TBC1D16: variants seen among roughly 807,000 people sequenced by gnomAD.
TBC1D16 encodes the protein CTD-2529O21.1.
In TBC1D16, 58 loss-of-function variants were observed where a neutral mutation model predicts 74.7. That is an observed-to-expected ratio of 0.78 (90% confidence interval 0.63 to 0.97). TBC1D16 has a LOEUF of 0.97. Among genes scored for constraint, TBC1D16 ranks in the 50% least tolerant of loss-of-function variants. The probability of loss-of-function intolerance (pLI) is 0.00; values close to 1 mark genes in which losing one functional copy is unlikely to be tolerated. For missense variants in TBC1D16, 1,014 were observed against 1,079.5 expected (o/e 0.94, Z 0.85); for synonymous variants, 493 against 474.7 (o/e 1.04, Z -0.50).
chr17:80,021,574 C>T (rs1598437813), intron 1 of TBC1D16, among the ~76,000 whole-genome samples: 1 of 149,596 alleles, frequency 6.7e-6, no homozygotes, highest in African/African-American at 2.6e-5. Flanking sequence ...ATGGAATTTT[C>T]ATTGATATGT....
chr17:79,983,498 T>C lies in TBC1D16; in HGVS notation c.779+26662A>G, dbSNP rs1239791169. Among the ~76,000 whole-genome samples, 1 of 152,200 alleles carries C rather than the reference T, an allele frequency of 6.6e-6. No individual in the cohort carries two copies. Among genetic ancestry groups the C allele is most frequent in the Non-Finnish European group, 1.5e-5 (1 of 68,032 alleles). On this transcript the variant is annotated intron_variant, in intron 3 of 11. Transcript: ENST00000310924. The surrounding 1 kb of genome is among the most constrained non-coding windows in gnomAD (Gnocchi z 5.6). ...ACCTGGGGAACAGCCATGGAGACAG[T>C]GTCCCCCTATTGGAGTGAGCACCCG... is the stretch of plus-strand genomic sequence containing the variant.
chr17:80,014,468 G>T (rs916803153), intron 1 of TBC1D16, among the ~76,000 whole-genome samples: 7 of 152,118 alleles, frequency 4.6e-5, no homozygotes, highest in African/African-American at 1.7e-4. Flanking sequence ...AGAAAAAAAT[G>T]GGTGCTCCAC....
chr17:79,956,251 T>G lies in TBC1D16; in HGVS notation c.780-3433A>C, dbSNP rs774935221. On this transcript the variant is annotated intron_variant, in intron 3 of 11. Coordinates refer to ENST00000310924, the MANE Select transcript of TBC1D16 (RefSeq NM_019020.4). The surrounding 1 kb of genome is among the most constrained non-coding windows in gnomAD (Gnocchi z 4.0). ...GTCTGTGAGCAAAGAAGCGGTTTTT[T>G]GTTTGTTTGTTTGTTTTTTAAAGAC... Among the ~76,000 whole-genome samples, 1 of 152,032 alleles carries G rather than the reference T, an allele frequency of 6.6e-6. No homozygotes were observed. Among genetic ancestry groups the G allele is most frequent in the South Asian group, 2.1e-4 (1 of 4,828 alleles).
In TBC1D16 at chr17:80,007,277, C is replaced by T. The variant is rs1313638037; in HGVS notation, c.779+2883G>A. Among the ~76,000 whole-genome samples, 3 of 152,112 alleles carry T rather than the reference C, an allele frequency of 2.0e-5. No individual in the cohort carries two copies. Among genetic ancestry groups the T allele is most frequent in the South Asian group, 2.1e-4 (1 of 4,830 alleles). The stretch of plus-strand genomic sequence containing the variant: ...CCCCAGCACGGTCTCCGGGTGGGGA[C>T]GAGTCCCAGGCCAGGCTCGCTGACC... On this transcript the variant is annotated intron_variant, in intron 3 of 11. Transcript: ENST00000310924. This position sits in a 1 kb window ranked among gnomAD's most constrained non-coding sequence, Gnocchi z 4.5.
intron 1 of TBC1D16, among the ~76,000 whole-genome samples, chr17:80,034,859 ATCTTT>A (rs1405297346): frequency 6.6e-6 from 1 of 152,190 alleles, no homozygotes; most frequent in Non-Finnish European, 1.5e-5. Flanking sequence ...TCACGTGAGC[ATCTTT>A]AAGACGGAGT....
At chr17:79,998,685 C>T (rs1418700606) in intron 3 of TBC1D16, among the ~76,000 whole-genome samples, 1 of 151,952 alleles carries the variant, frequency 6.6e-6, no homozygotes, top group Non-Finnish European at 1.5e-5. Flanking sequence ...ATTTCAGCAT[C>T]CTCCACATCT....
At position 80,028,916 on chromosome 17, in the gene TBC1D16, A is replaced by T. The variant is rs554983315; in HGVS notation, c.-63+6879T>A. On this transcript the variant is annotated intron_variant, in intron 1 of 11. Coordinates refer to ENST00000310924, the MANE Select transcript of TBC1D16 (RefSeq NM_019020.4). ...CGTGAGCCACCGCCCCGAGCCGACC[A>T]GTTGATTTCTGTGCTGCTCAAAGCC... Among the ~76,000 whole-genome samples, 45 of 152,228 alleles carry T rather than the reference A, an allele frequency of 3.0e-4. No homozygotes were observed. The South Asian group carries it at 8.5e-3, about 29-fold the overall frequency.
Position 80,000,462 on chromosome 17 carries a change from G to A in TBC1D16, c.779+9698C>T, listed in dbSNP as rs911804045. On this transcript the variant is annotated intron_variant, in intron 3 of 11. Transcript: ENST00000310924. This position sits in a 1 kb window ranked among gnomAD's most constrained non-coding sequence, Gnocchi z 4.1. ...AGGAATGCCTGCAGCCACTCAAACC[G>A]GAAGAGACCAGGAAGGACCCTCCCC... 6.6e-6 allele frequency among the ~76,000 whole-genome samples: 1 copy of A among 152,198 alleles called. No individual in the cohort carries two copies. Among genetic ancestry groups the A allele is most frequent in the Non-Finnish European group, 1.5e-5 (1 of 68,028 alleles).
In TBC1D16 at chr17:79,956,067, G is replaced by C. The variant is rs375536616; in HGVS notation, c.780-3249C>G. 4.0e-4 allele frequency among the ~76,000 whole-genome samples: 61 copies of C among 152,270 alleles called. No individual in the cohort carries two copies. Among genetic ancestry groups the C allele is most frequent in the East Asian group, 3.7e-3 (19 of 5,188 alleles). On this transcript the variant is annotated intron_variant, in intron 3 of 11. Coordinates refer to ENST00000310924, the MANE Select transcript of TBC1D16 (RefSeq NM_019020.4). The surrounding 1 kb of genome is among the most constrained non-coding windows in gnomAD (Gnocchi z 4.0). The stretch of plus-strand genomic sequence containing the variant: ...GACAGACAGACGAGAGCTCATGAGA[G>C]AGACACGCAACTGGCAGTCAGCACC...
intron 1 of TBC1D16, among the ~76,000 whole-genome samples, chr17:80,016,975 G>T (rs1296337866): frequency 6.6e-6 from 1 of 152,056 alleles, no homozygotes; most frequent in African/African-American, 2.4e-5. Context: ...CAGTTCTGGG[G>T]GTGGGGACCC....
intron 3 of TBC1D16, among the ~76,000 whole-genome samples, chr17:79,982,570 C>T (rs2034631512): frequency 6.6e-6 from 1 of 151,284 alleles, no homozygotes; most frequent in South Asian, 2.1e-4. Flanking sequence ...TTCCCTGAGG[C>T]TTGGCGTGGT....
chr17:80,034,352 A>G (rs2036877622), intron 1 of TBC1D16, among the ~76,000 whole-genome samples: 1 of 151,694 alleles, frequency 6.6e-6, no homozygotes, highest in Non-Finnish European at 1.5e-5. Flanking sequence ...GGCTCACGCC[A>G]CCACACCGGG....
intron 1 of TBC1D16, among the ~76,000 whole-genome samples, chr17:80,030,112 C>T (rs1342494873): frequency 1.3e-5 from 2 of 152,180 alleles, no homozygotes; most frequent in Non-Finnish European, 2.9e-5. Context: ...ACCTTAATTC[C>T]ATCCCCAACT....
intron 1 of TBC1D16, among the ~76,000 whole-genome samples, chr17:80,015,891 G>A (rs536921677): frequency 8.8e-4 from 134 of 151,792 alleles, no homozygotes; most frequent in African/African-American, 3.1e-3. Context: ...TGTGCCTGTA[G>A]TCCCAGCTAC....
intron 4 of TBC1D16, chr17:79,952,240 A>G (rs2033096297): frequency 6.1e-6 from 1 of 164,710 alleles, no homozygotes; most frequent in African/African-American, 2.4e-5. Flanking sequence ...GCAGGAAACT[A>G]GGCATCGCCC....
intron 1 of TBC1D16, among the ~76,000 whole-genome samples, chr17:80,028,361 T>C (rs909920156): frequency 4.6e-5 from 7 of 151,996 alleles, no homozygotes; most frequent in African/African-American, 1.7e-4. Context: ...TAACACCCTG[T>C]CTATTAGAAA....
chr17:80,007,260 C>T lies in TBC1D16; in HGVS notation c.779+2900G>A, dbSNP rs1028688682. On this transcript the variant is annotated intron_variant, in intron 3 of 11. Coordinates refer to ENST00000310924, the MANE Select transcript of TBC1D16 (RefSeq NM_019020.4). This position sits in a 1 kb window ranked among gnomAD's most constrained non-coding sequence, Gnocchi z 4.5. ...GGGCTGTGGTAAGCACCCCCCAGCA[C>T]GGTCTCCGGGTGGGGACGAGTCCCA... is the stretch of plus-strand genomic sequence containing the variant. Among the ~76,000 whole-genome samples, 10 of 152,328 alleles carry T rather than the reference C, an allele frequency of 6.6e-5. No individual in the cohort carries two copies. The highest frequency in any genetic ancestry group is 2.1e-4 in the South Asian group (1 of 4,828).
intron 9 of TBC1D16, among the ~76,000 whole-genome samples, chr17:79,946,330 G>A (rs993089695): frequency 6.6e-5 from 10 of 152,318 alleles, no homozygotes; most frequent in East Asian, 3.9e-4. Context: ...TAGGGTTCTC[G>A]CGTTCGAGCT....
chr17:79,975,228 C>T lies in TBC1D16; in HGVS notation c.780-22410G>A, dbSNP rs1331808692. Among the ~76,000 whole-genome samples the T allele has an allele frequency of 3.3e-5, 5 of 152,138 alleles. No homozygotes were observed. Among genetic ancestry groups the T allele is most frequent in the Admixed American group, 3.3e-4 (5 of 15,278 alleles). On this transcript the variant is annotated intron_variant, in intron 3 of 11. Coordinates refer to ENST00000310924, the MANE Select transcript of TBC1D16 (RefSeq NM_019020.4). This position sits in a 1 kb window ranked among gnomAD's most constrained non-coding sequence, Gnocchi z 4.5. ...TTTTCCCTTTGCATTTGGTGAACTC[C>T]GTGTCAGGAAAGCTAGTCTTTGGGA...
Sources: allele counts gnomAD v4.1 joint callset (sites outside exome capture counted in the v4.1 genomes callset), GRCh38; gene constraint gnomAD v4.1.1; non-coding constraint Gnocchi (gnomAD v3.1); transcripts MANE v1.5; gene names NCBI Gene and HGNC (gene_info 2026-07-23, HGNC 2026-07-21).